The following ZNF66 variants were observed in gnomAD, a reference collection of about 807,000 sequenced individuals.
The protein encoded by ZNF66 is putative zinc finger protein 66.
Under a neutral mutation model 35.2 loss-of-function variants are expected in ZNF66, and 32 were observed. The ratio of observed to expected loss-of-function variants is 0.91; its 90% CI spans 0.69 to 1.22. ZNF66 has a LOEUF of 1.22. Among genes scored for constraint, ZNF66 ranks in the 50% most tolerant of loss-of-function variants. ZNF66 has a pLI of 0.00. For synonymous variants in ZNF66, 231 were observed against 181.3 expected, an observed-to-expected ratio of 1.27 and a Z score of -2.20; for missense variants, 666 against 543.1, an observed-to-expected ratio of 1.23 and a Z score of -2.25.
At chr19:20,801,189 C>G (rs1013888670) in intron 3 of ZNF66, among the ~76,000 whole-genome samples, 1 of 152,012 alleles carries the variant, frequency 6.6e-6, no homozygotes, top group Admixed American at 6.6e-5. Context: ...TGGTACATAA[C>G]TTTTTTTCAT....
In ZNF66 at chr19:20,793,327, C is replaced by CTTTTTTTTTTTTTTTT. The variant is rs879637768; in HGVS notation, c.131-452_131-451insTTTTTTTTTTTTTTTT. On this transcript the variant is annotated intron_variant, in intron 2 of 3. Coordinates refer to ENST00000344519, the MANE Select transcript of ZNF66 (RefSeq NM_001355197.2). ...CTTTTCTTTTCTTTTCTTTTCTTTTCTTTTCTTTTTTTTTTTTTTTTGAGA... is the reference window on the plus strand; with the variant it reads ...CTTTTCTTTTCTTTTCTTTTCTTTTCTTTTTTTTTTTTTTTTTTTTCTTTTTTTTTTTTTTTTGAGA... Among the ~76,000 whole-genome samples, 146 of 74,698 alleles carry CTTTTTTTTTTTTTTTT rather than the reference C, an allele frequency of 2.0e-3. 16 individuals carry two copies. Among genetic ancestry groups the CTTTTTTTTTTTTTTTT allele is most frequent in the Non-Finnish European group, 2.9e-3 (113 of 38,964 alleles). 49.0% of individuals were successfully genotyped at this position (74,698 alleles called of 152,430 possible).
intron 1 of ZNF66, among the ~76,000 whole-genome samples, chr19:20,782,260 T>C (rs1971251873): frequency 6.6e-6 from 1 of 152,232 alleles, no homozygotes; most frequent in Non-Finnish European, 1.5e-5. Context: ...ATATTTTCTT[T>C]ACCCAGTCTA....
intron 1 of ZNF66, among the ~76,000 whole-genome samples, chr19:20,777,452 A>ATT (rs756548895): frequency 0.18 from 21,589 of 122,980 alleles, 2,347 homozygotes; most frequent in African/African-American, 0.28. Flanking sequence ...TTGAGCTTAG[A>ATT]TTTTTTTTTT....
chr19:20,789,419 A>C (rs1328184455), intron 1 of ZNF66, among the ~76,000 whole-genome samples: 1 of 152,174 alleles, frequency 6.6e-6, no homozygotes, highest in Non-Finnish European at 1.5e-5. Flanking sequence ...AATTTCTTGA[A>C]ACCCAAAAAC....
intron 1 of ZNF66, among the ~76,000 whole-genome samples, chr19:20,778,782 CA>C (rs561812056): frequency 0.041 from 3,535 of 85,376 alleles, 92 homozygotes; most frequent in African/African-American, 0.13. Flanking sequence ...GACTTCGTCT[CA>C]AAAAAAAAAA....
chr19:20,801,935 T>C (rs1029276631), intron 3 of ZNF66, among the ~76,000 whole-genome samples: 1 of 131,412 alleles, frequency 7.6e-6, no homozygotes, highest in African/African-American at 2.8e-5. Flanking sequence ...TTTCATTAAG[T>C]AGTTTAATGA....
chr19:20,778,379 C>T (rs1297582506), intron 1 of ZNF66, among the ~76,000 whole-genome samples: 9 of 152,156 alleles, frequency 5.9e-5, no homozygotes, highest in Non-Finnish European at 1.3e-4. Context: ...GGATTAGAGG[C>T]GTGAGCCACA....
rs190057364 is a variant in ZNF66, at chr19:20,779,324, G to A, written c.3+2874G>A. Among the ~76,000 whole-genome samples, 573 of 152,098 alleles carry A rather than the reference G, an allele frequency of 3.8e-3. 2 individuals are homozygous for A. Among genetic ancestry groups the A allele is most frequent in the Non-Finnish European group, 5.0e-3 (341 of 68,012 alleles). ...AGAAAAGGGCTTTCTTTTTTAGGGA[G>A]AGGTAAACAAGATAAGAAAGGAGGT... On this transcript the variant is annotated intron_variant, in intron 1 of 3. Coordinates refer to ENST00000344519, the MANE Select transcript of ZNF66 (RefSeq NM_001355197.2).
intron 1 of ZNF66, among the ~76,000 whole-genome samples, chr19:20,778,935 C>G (rs942136426): frequency 2.0e-5 from 3 of 151,156 alleles, no homozygotes; most frequent in African/African-American, 7.3e-5. Context: ...CTAGTGACTC[C>G]AAGCTAAGGC....
At chr19:20,796,614 T>C (rs1021861893) in intron 3 of ZNF66, among the ~76,000 whole-genome samples, 6 of 152,220 alleles carry the variant, frequency 3.9e-5, no homozygotes, top group Admixed American at 3.3e-4. Context: ...GGCTACTCTT[T>C]GCTTCTAAAG....
intron 1 of ZNF66, among the ~76,000 whole-genome samples, chr19:20,781,409 A>G (rs752665448): frequency 1.3e-5 from 2 of 151,928 alleles, no homozygotes; most frequent in Non-Finnish European, 2.9e-5. Context: ...ACTAGGCCTC[A>G]GTGTCTGTTG....
In ZNF66 at chr19:20,803,835, A is replaced by G. The variant is rs183962469; in HGVS notation, c.227-1992A>G. ...GAAGTGCTTCTTTCTATTTGGTAGT[A>G]AAATTGTGGTGATGCTATTATTCTC... On this transcript the variant is annotated intron_variant, in intron 3 of 3. Transcript: ENST00000344519. 3.5e-4 allele frequency among the ~76,000 whole-genome samples: 54 copies of G among 152,282 alleles called. 2 individuals are homozygous for G. The South Asian group carries it at 9.7e-3, about 27-fold the overall frequency.
Position 20,806,819 on chromosome 19 carries a change from A to T in ZNF66, c.1219A>T (p.Lys407Ter). The change falls in exon 4 of 4, where the codon AAG becomes TAG. Residue 407 changes from lysine (K) to a stop codon, truncating the protein, a stop_gained. Transcript: ENST00000344519. LOFTEE classifies it high-confidence loss of function. ...ATGTGAAGAATGTGGCAAAGTGTTT[A>T]AGCACTCCTCTCCCCTTTCTAAACA... ...YKCEECGKVF[K>*]HSSPLSKHKR... The T allele has an allele frequency of 7.7e-7, 1 of 1,304,058 alleles. No homozygotes were observed. Among genetic ancestry groups the T allele is most frequent in the Non-Finnish European group, 1.1e-6 (1 of 900,206 alleles). The allele number at this position is 1,304,058 out of a possible 1,614,324, so 80.8% of individuals were successfully genotyped here. A position where few individuals can be genotyped will look rare whatever the true frequency, so the allele number is the denominator to read the frequency against.
Position 20,800,340 on chromosome 19 carries a change from T to C in ZNF66, c.227-5487T>C, listed in dbSNP as rs1971436465. Among the ~76,000 whole-genome samples, 4 of 152,320 alleles carry C rather than the reference T, an allele frequency of 2.6e-5. 1 individual carries two copies. The South Asian group carries it at 8.3e-4, about 32-fold the overall frequency. On this transcript the variant is annotated intron_variant, in intron 3 of 3. Transcript: ENST00000344519. ...TTTAATAAAGCTTGGGTATGTGTCCTAACAGAATACACCAGATGCAAATAA... is the reference window on the plus strand; with the variant it reads ...TTTAATAAAGCTTGGGTATGTGTCCCAACAGAATACACCAGATGCAAATAA...
chr19:20,779,722 T>C (rs1333396422), intron 1 of ZNF66, among the ~76,000 whole-genome samples: 1 of 147,942 alleles, frequency 6.8e-6, no homozygotes, highest in Non-Finnish European at 1.5e-5. Flanking sequence ...AGGTTGGGAG[T>C]TTAAGACCAG....
intron 3 of ZNF66, 194 bp downstream of exon 3, chr19:20,794,072 T>C: frequency 1.7e-6 from 1 of 584,540 alleles, no homozygotes; most frequent in Non-Finnish European, 3.0e-6. Flanking sequence ...TGTCTTATGC[T>C]TCTAAATTCT....
chr19:20,780,436 G>A (rs892570636), intron 1 of ZNF66, among the ~76,000 whole-genome samples: 2 of 152,114 alleles, frequency 1.3e-5, no homozygotes, highest in African/African-American at 4.8e-5. Context: ...TAAGTTCTGT[G>A]AGTAGCTCTA....
At position 20,793,325 on chromosome 19, in the gene ZNF66, TTCTTTTC is replaced by T. The variant is rs1393133522; in HGVS notation, c.131-456_131-450del. Among the ~76,000 whole-genome samples, 238 of 73,436 alleles carry T rather than the reference TTCTTTTC, an allele frequency of 3.2e-3. 4 individuals are homozygous for T. In the South Asian group the frequency reaches 0.033, roughly 10 times the overall value. 48.2% of individuals were successfully genotyped at this position (73,436 alleles called of 152,430 possible). On this transcript the variant is annotated intron_variant, in intron 2 of 3. Transcript: ENST00000344519. ...TTCTTTTCTTTTCTTTTCTTTTCTT[TTCTTTTC>T]TTTTTTTTTTTTTTTTGAGACAGAG...
At chr19:20,791,496 A>AAAAAAG (rs113381463) in intron 1 of ZNF66, among the ~76,000 whole-genome samples, 10,807 of 149,616 alleles carry the variant, frequency 0.072, 458 homozygotes, top group Middle Eastern at 0.1. Context: ...AAAAAAAAAA[A>AAAAAAG]AAAAAAAAAG....
Sources: gnomAD v4.1 joint callset for allele counts (sites outside exome capture counted in the v4.1 genomes callset) on GRCh38, gnomAD v4.1.1 for gene constraint, MANE v1.5 for transcripts, NCBI Gene and HGNC (gene_info 2026-07-23, HGNC 2026-07-21) for gene names.